Variants in CLSTN2 observed in about 807,000 individuals in gnomAD.
The protein encoded by CLSTN2 is calsyntenin 2, also known as calsyntenin-2.
CLSTN2 carries 48 observed loss-of-function variants against 101.2 expected under a neutral mutation model. The ratio of observed to expected loss-of-function variants is 0.47; its 90% CI spans 0.38 to 0.60. CLSTN2 has a LOEUF of 0.60. Among genes scored for constraint, CLSTN2 ranks in the 20% least tolerant of loss-of-function variants. CLSTN2 has a pLI of 0.00. For missense variants in CLSTN2, 1,160 were observed against 1,238.2 expected (o/e 0.94, Z 0.95); for synonymous variants, 481 against 463.6 (o/e 1.04, Z -0.48).
chr3:140,360,286 T>G (rs1202562654), intron 2 of CLSTN2, among the ~76,000 whole-genome samples: 1 of 152,172 alleles, frequency 6.6e-6, no homozygotes, highest in East Asian at 1.9e-4. Flanking sequence ...GTTTTCATGG[T>G]GCTGACACCC....
chr3:140,095,792 T>G (rs1252750164), intron 1 of CLSTN2, among the ~76,000 whole-genome samples: 1 of 152,160 alleles, frequency 6.6e-6, no homozygotes, highest in African/African-American at 2.4e-5. Flanking sequence ...GACGAACATC[T>G]GTGTCTCTTT....
intron 1 of CLSTN2, among the ~76,000 whole-genome samples, chr3:140,036,314 A>G (rs1035587135): frequency 5.3e-5 from 8 of 152,210 alleles, no homozygotes; most frequent in Non-Finnish European, 1.2e-4. Context: ...TAAAACAATT[A>G]TAGTCCAGCC....
intron 4 of CLSTN2, among the ~76,000 whole-genome samples, chr3:140,419,129 A>G (rs2088464664): frequency 6.6e-6 from 1 of 151,980 alleles, no homozygotes; most frequent in South Asian, 2.1e-4. Flanking sequence ...AACAATACAT[A>G]GCAGTTAGAA....
At chr3:140,174,338 C>T (rs1195730607) in intron 1 of CLSTN2, among the ~76,000 whole-genome samples, 2 of 152,160 alleles carry the variant, frequency 1.3e-5, no homozygotes, top group Non-Finnish European at 2.9e-5. Flanking sequence ...AGCTTATTGC[C>T]CATATCACTA....
chr3:139,985,758 G>A lies in CLSTN2; in HGVS notation c.109+50275G>A, dbSNP rs114213445. ...CCTTTGGAGTGTGTATTCAAGGTCT[G>A]GTTGCCAGGAGGTTCAGTTTATGTT... On this transcript the variant is annotated intron_variant, in intron 1 of 16. Transcript: ENST00000458420. 1.9e-3 allele frequency among the ~76,000 whole-genome samples: 285 copies of A among 152,270 alleles called. 2 individuals are homozygous for A. Among genetic ancestry groups the A allele is most frequent in the African/African-American group, 6.5e-3 (271 of 41,554 alleles).
At chr3:139,956,053 ACTAC>A (rs779134031) in intron 1 of CLSTN2, among the ~76,000 whole-genome samples, 2 of 152,182 alleles carry the variant, frequency 1.3e-5, no homozygotes, top group African/African-American at 2.4e-5. Context: ...CATGCATCAG[ACTAC>A]CTGAGATTTC....
chr3:140,025,965 G>A (rs2007412138), intron 1 of CLSTN2, among the ~76,000 whole-genome samples: 1 of 152,174 alleles, frequency 6.6e-6, no homozygotes, highest in Non-Finnish European at 1.5e-5. Context: ...GCTGCTGATA[G>A]TGAAGGTGAT....
chr3:140,498,776 G>A (rs1024368348), intron 8 of CLSTN2, among the ~76,000 whole-genome samples: 4 of 152,090 alleles, frequency 2.6e-5, no homozygotes, highest in African/African-American at 7.2e-5. Context: ...ACTAGCTGTT[G>A]TCACCACCTC....
intron 1 of CLSTN2, among the ~76,000 whole-genome samples, chr3:140,061,235 T>A (rs1401484735): frequency 1.3e-5 from 2 of 152,154 alleles, no homozygotes; most frequent in Non-Finnish European, 2.9e-5. Flanking sequence ...GGGAGAGGAA[T>A]TAAAGGGCCG....
At chr3:140,436,767 T>C (rs371535306) in intron 5 of CLSTN2, among the ~76,000 whole-genome samples, 63 of 152,358 alleles carry the variant, frequency 4.1e-4, no homozygotes, top group Middle Eastern at 3.4e-3. Flanking sequence ...GGAGGACTCA[T>C]TTCTGATAAG....
At chr3:140,298,488 A>T (rs2087024672) in intron 2 of CLSTN2, among the ~76,000 whole-genome samples, 1 of 152,244 alleles carries the variant, frequency 6.6e-6, no homozygotes, top group Non-Finnish European at 1.5e-5. Flanking sequence ...ACTGAAACAC[A>T]TAGCTGCAGT....
At chr3:140,235,533 C>T (rs1204243999) in intron 2 of CLSTN2, among the ~76,000 whole-genome samples, 1 of 152,206 alleles carries the variant, frequency 6.6e-6, no homozygotes, top group Non-Finnish European at 1.5e-5. Flanking sequence ...CTCTGGGGAT[C>T]CTCCCGTGGG....
intron 1 of CLSTN2, among the ~76,000 whole-genome samples, chr3:140,020,780 G>A (rs1472387851): frequency 1.3e-5 from 2 of 152,182 alleles, no homozygotes. Context: ...GTATCACCCT[G>A]GGTAATGGCA....
chr3:140,156,607 G>A (rs1014427953), intron 1 of CLSTN2, among the ~76,000 whole-genome samples: 5 of 152,176 alleles, frequency 3.3e-5, no homozygotes, highest in African/African-American at 4.8e-5. Flanking sequence ...TGGGTTGTCT[G>A]AGCCAGTGAC....
intron 2 of CLSTN2, among the ~76,000 whole-genome samples, chr3:140,219,746 G>A (rs190492517): frequency 7.1e-4 from 108 of 152,256 alleles, no homozygotes; most frequent in African/African-American, 2.4e-3. Flanking sequence ...CCCCAAGAAG[G>A]CAATTCCTTA....
chr3:140,310,246 T>C (rs2087153361), intron 2 of CLSTN2, among the ~76,000 whole-genome samples: 1 of 152,152 alleles, frequency 6.6e-6, no homozygotes, highest in African/African-American at 2.4e-5. Context: ...AAGACTTCAG[T>C]GAGCACCCAA....
chr3:140,050,886 C>T (rs2007976507), intron 1 of CLSTN2, among the ~76,000 whole-genome samples: 1 of 152,080 alleles, frequency 6.6e-6, no homozygotes, highest in Admixed American at 6.5e-5. Context: ...GTGGGTGCCT[C>T]CTTGCTATTT....
intron 2 of CLSTN2, among the ~76,000 whole-genome samples, chr3:140,268,088 G>A (rs942245022): frequency 3.3e-5 from 5 of 152,158 alleles, no homozygotes; most frequent in African/African-American, 1.2e-4. Flanking sequence ...GAGCTTGGAG[G>A]CGAAAAGAGC....
intron 9 of CLSTN2, among the ~76,000 whole-genome samples, chr3:140,540,366 C>G (rs77909348): frequency 0.017 from 2,567 of 152,302 alleles, 77 homozygotes; most frequent in African/African-American, 0.058. Context: ...CCACAAGCCA[C>G]CTGCAGCCTA....
Sources: gnomAD v4.1 joint callset for allele counts (sites outside exome capture counted in the v4.1 genomes callset) on GRCh38, gnomAD v4.1.1 for gene constraint, MANE v1.5 for transcripts, NCBI Gene and HGNC (gene_info 2026-07-23, HGNC 2026-07-21) for gene names.